SPAG16: variants seen among roughly 807,000 people sequenced by gnomAD.
SPAG16 encodes the protein sperm associated antigen 16, also known as sperm-associated antigen 16 protein.
SPAG16 carries 86 observed loss-of-function variants against 80.4 expected under a neutral mutation model. The ratio of observed to expected loss-of-function variants is 1.07; its 90% CI spans 0.90 to 1.28. SPAG16 has a LOEUF of 1.28. Ranked by LOEUF, SPAG16 falls within the 50% of genes most tolerant of loss-of-function variation. SPAG16 has a pLI of 0.00. For missense variants in SPAG16, 870 were observed against 765.3 expected (o/e 1.14, Z -1.61); for synonymous variants, 294 against 265.9 (o/e 1.11, Z -1.03).
At chr2:214,232,577 G>A (rs1282155464) in intron 15 of SPAG16, among the ~76,000 whole-genome samples, 4 of 145,382 alleles carry the variant, frequency 2.8e-5, no homozygotes, top group Admixed American at 6.8e-5. Flanking sequence ...ACCTCTGACT[G>A]TGAAGGAGTC....
intron 12 of SPAG16, among the ~76,000 whole-genome samples, chr2:213,984,984 C>A (rs2045934660): frequency 6.6e-6 from 1 of 152,072 alleles, no homozygotes. Context: ...CCTTCCAATA[C>A]CTTTTTTTAT....
chr2:213,431,271 T>C (rs2125483208), intron 9 of SPAG16, among the ~76,000 whole-genome samples: 1 of 152,114 alleles, frequency 6.6e-6, no homozygotes, highest in South Asian at 2.1e-4. Flanking sequence ...AATTAATATT[T>C]TGACAGTCAG....
At chr2:213,752,759 A>C (rs951308044) in intron 10 of SPAG16, among the ~76,000 whole-genome samples, 2 of 152,206 alleles carry the variant, frequency 1.3e-5, no homozygotes, top group African/African-American at 4.8e-5. Context: ...TGAATAGGCT[A>C]ATGCTTTTCC....
chr2:213,303,304 C>T (rs555055050), intron 3 of SPAG16, among the ~76,000 whole-genome samples: 6 of 151,510 alleles, frequency 4.0e-5, no homozygotes, highest in East Asian at 1.9e-4. Context: ...ATATATTTAT[C>T]GGGTACATAA....
intron 13 of SPAG16, among the ~76,000 whole-genome samples, chr2:214,030,927 T>G (rs559201594): frequency 6.6e-6 from 1 of 152,340 alleles, no homozygotes; most frequent in African/African-American, 2.4e-5. Context: ...GATAAATAGC[T>G]CAGCATTGTT....
Position 213,661,860 on chromosome 2 carries a change from C to G in SPAG16, c.1070+171770C>G, listed in dbSNP as rs554165392. ...AGATAATAATTCCTGAATTACCCCA[C>G]CTTATAATTATCCAGAAGAACCTGG... On this transcript the variant is annotated intron_variant, in intron 10 of 15. Coordinates refer to ENST00000331683, the MANE Select transcript of SPAG16 (RefSeq NM_024532.5). Among the ~76,000 whole-genome samples the G allele has an allele frequency of 3.3e-5, 5 of 152,256 alleles. No homozygotes were observed. In the East Asian group the frequency reaches 9.6e-4, roughly 29 times the overall value.
intron 5 of SPAG16, among the ~76,000 whole-genome samples, chr2:213,327,287 T>G (rs1348885269): frequency 1.3e-5 from 2 of 152,034 alleles, no homozygotes; most frequent in Non-Finnish European, 2.9e-5. Flanking sequence ...TTATTTTCCA[T>G]TTATTAAGCA....
At chr2:213,438,024 G>A (rs2125515565) in intron 9 of SPAG16, among the ~76,000 whole-genome samples, 1 of 152,312 alleles carries the variant, frequency 6.6e-6, no homozygotes, top group African/African-American at 2.4e-5. Context: ...TGGATTTAGG[G>A]ATGGTTGCAT....
At chr2:214,014,988 G>A (rs1254345131) in intron 13 of SPAG16, among the ~76,000 whole-genome samples, 3 of 152,186 alleles carry the variant, frequency 2.0e-5, no homozygotes, top group Admixed American at 1.3e-4. Context: ...AATTTATGCT[G>A]AGTTGGGTAT....
intron 15 of SPAG16, among the ~76,000 whole-genome samples, chr2:214,374,084 T>C (rs1404972311): frequency 6.6e-6 from 1 of 152,090 alleles, no homozygotes; most frequent in Non-Finnish European, 1.5e-5. Flanking sequence ...TGGCTGGCAA[T>C]GGGGTTAAGA....
At chr2:213,703,517 G>A (rs1200927323) in intron 10 of SPAG16, among the ~76,000 whole-genome samples, 1 of 152,130 alleles carries the variant, frequency 6.6e-6, no homozygotes, top group Non-Finnish European at 1.5e-5. Context: ...GGAACCCCAA[G>A]ATAAAAACAT....
intron 12 of SPAG16, among the ~76,000 whole-genome samples, chr2:213,950,823 A>G (rs776734508): frequency 1.4e-5 from 2 of 144,598 alleles, no homozygotes; most frequent in Non-Finnish European, 1.5e-5. Flanking sequence ...ATCCTCCCAT[A>G]TTAACCTTCT....
At chr2:214,231,715 G>A (rs188006067) in intron 15 of SPAG16, among the ~76,000 whole-genome samples, 5 of 152,154 alleles carry the variant, frequency 3.3e-5, no homozygotes, top group African/African-American at 1.2e-4. Context: ...ACATACTTTT[G>A]TCCTTCAAGA....
chr2:214,403,591 G>A (rs1273811011), intron 15 of SPAG16, among the ~76,000 whole-genome samples: 1 of 151,930 alleles, frequency 6.6e-6, no homozygotes, highest in Non-Finnish European at 1.5e-5. Context: ...CTGCTATAAT[G>A]GATATTACAC....
intron 10 of SPAG16, among the ~76,000 whole-genome samples, chr2:213,772,983 C>T (rs1207814251): frequency 6.6e-6 from 1 of 151,092 alleles, no homozygotes; most frequent in East Asian, 1.9e-4. Flanking sequence ...TTCTATTTTA[C>T]TTATTCTTTT....
intron 11 of SPAG16, among the ~76,000 whole-genome samples, chr2:213,890,520 C>T (rs1161176065): frequency 6.6e-6 from 1 of 151,830 alleles, no homozygotes; most frequent in South Asian, 2.1e-4. Context: ...CCATTGTTTG[C>T]TTTCTTATTT....
rs112091147 is a variant in SPAG16, at chr2:213,838,761, G to A, written c.1071-23724G>A. On this transcript the variant is annotated intron_variant, in intron 10 of 15. Transcript: ENST00000331683. ...AATTACTTTCCTTGTAAAGGTTAAA[G>A]CAAAGGAAATTTTCTTATGCCAGCT... Among the ~76,000 whole-genome samples the A allele has an allele frequency of 2.6e-5, 4 of 152,302 alleles. 1 individual carries two copies. Among genetic ancestry groups the A allele is most frequent in the African/African-American group, 9.6e-5 (4 of 41,576 alleles).
intron 10 of SPAG16, among the ~76,000 whole-genome samples, chr2:213,715,010 A>C (rs71426344): frequency 6.6e-4 from 101 of 152,296 alleles, no homozygotes; most frequent in Non-Finnish European, 1.2e-3. Flanking sequence ...TGGCCGTTAG[A>C]AGCTACTGAA....
At chr2:213,793,842 C>T (rs1003270318) in intron 10 of SPAG16, among the ~76,000 whole-genome samples, 4 of 152,088 alleles carry the variant, frequency 2.6e-5, no homozygotes, top group Non-Finnish European at 5.9e-5. Context: ...TCCAAGTATC[C>T]ATTATCTACC....
Sources: gnomAD v4.1 joint callset for allele counts (sites outside exome capture counted in the v4.1 genomes callset) on GRCh38, gnomAD v4.1.1 for gene constraint, MANE v1.5 for transcripts, NCBI Gene and HGNC (gene_info 2026-07-23, HGNC 2026-07-21) for gene names.